The following BCKDHB variants were observed in gnomAD, a reference collection of about 807,000 sequenced individuals.
BCKDHB encodes the protein 2-oxoisovalerate dehydrogenase subunit beta, mitochondrial.
A neutral mutation model predicts 48.5 loss-of-function variants in BCKDHB; 41 were observed. The observed-to-expected ratio is 0.85, with a 90% CI of 0.66 to 1.10. The LOEUF (loss-of-function observed/expected upper bound fraction) is 1.10. Among genes scored for constraint, BCKDHB ranks in the 50% least tolerant of loss-of-function variants. The pLI is 0.00. For missense variants in BCKDHB, 496 were observed against 494.2 expected, an observed-to-expected ratio of 1.00 and a Z score of -0.03; for synonymous variants, 201 against 174.8, an observed-to-expected ratio of 1.15 and a Z score of -1.18.
chr6:80,377,958 G>A, the BCKDHB span, among the ~76,000 whole-genome samples: 3 of 152,196 alleles, frequency 2.0e-5, no homozygotes, highest in East Asian at 1.9e-4. Context: ...CTGTGAACAC[G>A]AGATATTTTT....
intron 8 of BCKDHB, among the ~76,000 whole-genome samples, chr6:80,248,539 G>A (rs1776705771): frequency 6.6e-6 from 1 of 152,130 alleles, no homozygotes; most frequent in South Asian, 2.1e-4. Context: ...TATGGTATGA[G>A]CCCAGAATGC....
At chr6:80,325,908 G>A (rs574172078) in intron 9 of BCKDHB, among the ~76,000 whole-genome samples, 159 of 152,262 alleles carry the variant, frequency 1.0e-3, no homozygotes, top group African/African-American at 3.6e-3. Context: ...AAAAGTCTGA[G>A]AAACTGTCGC....
chr6:80,416,590 T>G, the BCKDHB span, among the ~76,000 whole-genome samples: 1 of 151,988 alleles, frequency 6.6e-6, no homozygotes, highest in Non-Finnish European at 1.5e-5. Context: ...TGTATGGTTT[T>G]GAGTAAATTT....
chr6:80,157,114 C>T (rs988869012), intron 3 of BCKDHB, among the ~76,000 whole-genome samples: 4 of 152,062 alleles, frequency 2.6e-5, no homozygotes, highest in Admixed American at 2.6e-4. Context: ...ATTATTGTAT[C>T]ATAATCATGA....
intron 9 of BCKDHB, among the ~76,000 whole-genome samples, chr6:80,329,138 AG>A (rs1382101421): frequency 6.6e-6 from 1 of 152,214 alleles, no homozygotes; most frequent in Non-Finnish European, 1.5e-5. Context: ...TAGCCAAGAA[AG>A]GATTCCAATT....
intron 8 of BCKDHB, among the ~76,000 whole-genome samples, chr6:80,219,671 A>G (rs1049854278): frequency 6.6e-6 from 1 of 152,118 alleles, no homozygotes; most frequent in African/African-American, 2.4e-5. Context: ...GTTGGAGTAC[A>G]TTCATAATTA....
At chr6:80,451,092 A>C in the BCKDHB span, among the ~76,000 whole-genome samples, 30 of 152,202 alleles carry the variant, frequency 2.0e-4, no homozygotes, top group Non-Finnish European at 2.8e-4. Flanking sequence ...TTGTAGGCAA[A>C]TAACAAAATT....
chr6:80,383,242 T>A, the BCKDHB span, among the ~76,000 whole-genome samples: 2 of 152,320 alleles, frequency 1.3e-5, no homozygotes, highest in East Asian at 3.9e-4. Context: ...CTGTTTTCTT[T>A]TTTCTGTAGT....
At chr6:80,408,943 C>CG in the BCKDHB span, among the ~76,000 whole-genome samples, 1 of 151,836 alleles carries the variant, frequency 6.6e-6, no homozygotes, top group Non-Finnish European at 1.5e-5. Flanking sequence ...CTTGCTTCTC[C>CG]AGTTCTATTT....
chr6:80,269,890 G>A (rs1326405250), intron 8 of BCKDHB, among the ~76,000 whole-genome samples: 1 of 151,942 alleles, frequency 6.6e-6, no homozygotes, highest in Non-Finnish European at 1.5e-5. Flanking sequence ...TGCTAAATAT[G>A]GTTAGGGGAA....
At chr6:80,352,701 C>A in the BCKDHB span, among the ~76,000 whole-genome samples, 1 of 152,222 alleles carries the variant, frequency 6.6e-6, no homozygotes, top group South Asian at 2.1e-4. Flanking sequence ...ATATTGTGCT[C>A]AATTTTTTAA....
At chr6:80,219,713 G>A (rs1775326630) in intron 8 of BCKDHB, among the ~76,000 whole-genome samples, 1 of 152,180 alleles carries the variant, frequency 6.6e-6, no homozygotes, top group Admixed American at 6.5e-5. Flanking sequence ...ATTGGGTGCA[G>A]GAGGTTTTCT....
chr6:80,382,221 T>C, the BCKDHB span, among the ~76,000 whole-genome samples: 1 of 152,178 alleles, frequency 6.6e-6, no homozygotes, highest in African/African-American at 2.4e-5. Context: ...AGACCTAGTA[T>C]GAGTTTGTAA....
chr6:80,349,088 A>T (rs1308725818), downstream of BCKDHB, among the ~76,000 whole-genome samples: 1 of 152,240 alleles, frequency 6.6e-6, no homozygotes. Flanking sequence ...AATAGTGATG[A>T]TCATAAATAT....
intron 8 of BCKDHB, among the ~76,000 whole-genome samples, chr6:80,222,866 G>A (rs1205675385): frequency 2.6e-5 from 4 of 152,074 alleles, no homozygotes; most frequent in African/African-American, 9.7e-5. Flanking sequence ...GTGGCTACTA[G>A]GCCCTTAATC....
chr6:80,164,284 C>T (rs1772465863), intron 3 of BCKDHB, among the ~76,000 whole-genome samples: 1 of 128,182 alleles, frequency 7.8e-6, no homozygotes, highest in South Asian at 2.6e-4. Context: ...ACTCCTTGCC[C>T]TTCCTCTGAT....
chr6:80,294,385 A>C (rs1173247080), intron 9 of BCKDHB, among the ~76,000 whole-genome samples: 1 of 152,202 alleles, frequency 6.6e-6, no homozygotes, highest in Admixed American at 6.5e-5. Flanking sequence ...ACAATATGAA[A>C]TCAGTGCACC....
intron 6 of BCKDHB, among the ~76,000 whole-genome samples, chr6:80,189,695 C>G (rs1247204640): frequency 1.3e-5 from 2 of 152,036 alleles, no homozygotes; most frequent in Non-Finnish European, 2.9e-5. Context: ...ACACTAAACT[C>G]TTAAGGCCAT....
intron 3 of BCKDHB, among the ~76,000 whole-genome samples, chr6:80,145,733 T>C (rs535459347): frequency 3.3e-5 from 5 of 152,192 alleles, no homozygotes; most frequent in Non-Finnish European, 5.9e-5. Flanking sequence ...GGCTGAAATA[T>C]GCTCAGTAGA....
Sources: allele counts gnomAD v4.1 joint callset (sites outside exome capture counted in the v4.1 genomes callset), GRCh38; gene constraint gnomAD v4.1.1; transcripts MANE v1.5; gene names NCBI Gene and HGNC (gene_info 2026-07-23, HGNC 2026-07-21).